ASB3: variants seen among roughly 807,000 people sequenced by gnomAD.
ASB3 encodes ankyrin repeat and SOCS box protein 3.
Under a neutral mutation model 54.5 loss-of-function variants are expected in ASB3, and 41 were observed. The ratio of observed to expected loss-of-function variants is 0.75; its 90% CI spans 0.59 to 0.98. The LOEUF (loss-of-function observed/expected upper bound fraction) is 0.98. Ranked by LOEUF, ASB3 falls within the 50% of genes least tolerant of loss-of-function variation. ASB3 has a pLI of 0.00. For missense variants in ASB3, 733 were observed against 620.0 expected, an observed-to-expected ratio of 1.18 and a Z score of -1.94; for synonymous variants, 266 against 221.2, an observed-to-expected ratio of 1.20 and a Z score of -1.80.
intron 9 of ASB3, among the ~76,000 whole-genome samples, chr2:53,690,277 A>C (rs1179905167): frequency 6.6e-6 from 1 of 152,102 alleles, no homozygotes; most frequent in South Asian, 2.1e-4. Flanking sequence ...TAATTAAATT[A>C]AAAACTGAGT....
At chr2:53,763,186 G>C (rs1460019041) in intron 2 of ASB3, among the ~76,000 whole-genome samples, 1 of 152,106 alleles carries the variant, frequency 6.6e-6, no homozygotes, top group African/African-American at 2.4e-5. Flanking sequence ...TTTGAGACCA[G>C]CCTCGGCAAC....
At chr2:53,728,382 G>C (rs906516733) in intron 5 of ASB3, among the ~76,000 whole-genome samples, 1 of 152,100 alleles carries the variant, frequency 6.6e-6, no homozygotes, top group Non-Finnish European at 1.5e-5. Flanking sequence ...AGGTAATTAA[G>C]CCTAAACTAG....
intron 8 of ASB3, among the ~76,000 whole-genome samples, chr2:53,696,142 T>C (rs1435788179): frequency 1.3e-5 from 2 of 152,186 alleles, no homozygotes; most frequent in South Asian, 2.1e-4. Flanking sequence ...AGCATTTTCA[T>C]TGCTAAAGTT....
chr2:53,748,991 C>T (rs747805707), intron 3 of ASB3, among the ~76,000 whole-genome samples: 1 of 151,906 alleles, frequency 6.6e-6, no homozygotes, highest in Non-Finnish European at 1.5e-5. Flanking sequence ...TGATGTCTAC[C>T]ACTTAATCTC....
At chr2:53,782,632 C>T (rs1267969367) in intron 1 of ASB3, among the ~76,000 whole-genome samples, 1 of 152,110 alleles carries the variant, frequency 6.6e-6, no homozygotes, top group Non-Finnish European at 1.5e-5. Context: ...ACCCTGGAAG[C>T]CTTTGAGCAT....
chr2:53,746,355 T>C (rs1017927189), intron 3 of ASB3, among the ~76,000 whole-genome samples: 3 of 152,162 alleles, frequency 2.0e-5, no homozygotes, highest in Non-Finnish European at 4.4e-5. Context: ...CTATTATTCA[T>C]GATGCAGAGA....
At chr2:53,675,597 C>A (rs1179880502) in intron 9 of ASB3, among the ~76,000 whole-genome samples, 1 of 152,130 alleles carries the variant, frequency 6.6e-6, no homozygotes, top group African/African-American at 2.4e-5. Flanking sequence ...AGGATTCTAT[C>A]TAGCCTATCT....
intron 5 of ASB3, among the ~76,000 whole-genome samples, chr2:53,720,331 C>A (rs780009745): frequency 2.6e-5 from 4 of 152,136 alleles, no homozygotes; most frequent in Non-Finnish European, 4.4e-5. Flanking sequence ...GCCAGGACCT[C>A]CTGAGGCTGT....
intron 9 of ASB3, among the ~76,000 whole-genome samples, chr2:53,686,639 G>A (rs1430519501): frequency 2.0e-5 from 3 of 150,630 alleles, no homozygotes; most frequent in Admixed American, 6.6e-5. Flanking sequence ...AACCAATACT[G>A]GTGATCTCAT....
intron 3 of ASB3, among the ~76,000 whole-genome samples, chr2:53,746,808 A>G (rs1479826891): frequency 1.3e-5 from 2 of 152,220 alleles, no homozygotes; most frequent in Admixed American, 1.3e-4. Flanking sequence ...ACAAACACTA[A>G]GGCTCTACTT....
intron 7 of ASB3, among the ~76,000 whole-genome samples, chr2:53,708,506 A>G (rs1399932765): frequency 6.6e-6 from 1 of 152,232 alleles, no homozygotes; most frequent in African/African-American, 2.4e-5. Context: ...TGCTATAAAG[A>G]TACCTAAAAA....
chr2:53,724,434 C>T (rs1670879873), intron 5 of ASB3, among the ~76,000 whole-genome samples: 1 of 152,004 alleles, frequency 6.6e-6, no homozygotes, highest in South Asian at 2.1e-4. Context: ...CCCATCTCTA[C>T]TAAAAATACA....
chr2:53,780,689 G>A (rs910379241), intron 1 of ASB3, among the ~76,000 whole-genome samples: 2 of 152,090 alleles, frequency 1.3e-5, no homozygotes, highest in South Asian at 4.1e-4. Flanking sequence ...AAAGCAGAAG[G>A]ATCTCTTGAG....
chr2:53,715,466 A>G (rs1670334637), intron 6 of ASB3, among the ~76,000 whole-genome samples: 1 of 152,178 alleles, frequency 6.6e-6, no homozygotes, highest in African/African-American at 2.4e-5. Context: ...TTACCTTTGA[A>G]GTAGGCTATA....
intron 1 of ASB3, among the ~76,000 whole-genome samples, chr2:53,772,547 C>T (rs751417934): frequency 1.0e-4 from 15 of 142,900 alleles, no homozygotes; most frequent in Non-Finnish European, 2.2e-4. Context: ...GAAATACCTG[C>T]CCCCGACAGC....
At chr2:53,734,890 T>A (rs1041473648) in intron 3 of ASB3, among the ~76,000 whole-genome samples, 1 of 151,832 alleles carries the variant, frequency 6.6e-6, no homozygotes, top group African/African-American at 2.4e-5. Context: ...AATCTCTATT[T>A]ATTTTTTTAT....
chr2:53,688,409 C>T (rs1382552167), intron 9 of ASB3, among the ~76,000 whole-genome samples: 1 of 152,194 alleles, frequency 6.6e-6, no homozygotes, highest in African/African-American at 2.4e-5. Flanking sequence ...AGAGTGCTTA[C>T]ATGCAATGGT....
At chr2:53,776,831 T>G (rs1366667772) in intron 1 of ASB3, among the ~76,000 whole-genome samples, 2 of 151,994 alleles carry the variant, frequency 1.3e-5, no homozygotes, top group Non-Finnish European at 2.9e-5. Flanking sequence ...AAAACTAAAA[T>G]AAAACCTTGA....
intron 9 of ASB3, among the ~76,000 whole-genome samples, chr2:53,687,764 A>T (rs578038544): frequency 6.6e-6 from 1 of 152,288 alleles, no homozygotes; most frequent in East Asian, 1.9e-4. Context: ...TGCACCATAG[A>T]TCACTCATAT....
Sources: gnomAD v4.1 joint callset for allele counts (sites outside exome capture counted in the v4.1 genomes callset) on GRCh38, gnomAD v4.1.1 for gene constraint, MANE v1.5 for transcripts, NCBI Gene and HGNC (gene_info 2026-07-23, HGNC 2026-07-21) for gene names.